DLGAP1: variants seen among roughly 807,000 people sequenced by gnomAD.
The protein encoded by DLGAP1 is DLG associated protein 1.
A neutral mutation model predicts 90.8 loss-of-function variants in DLGAP1; 11 were observed. The observed-to-expected ratio is 0.12, with a 90% CI of 0.08 to 0.20. The LOEUF (loss-of-function observed/expected upper bound fraction) is 0.20, where lower values mean the gene tolerates loss of function less well. DLGAP1 is among the 10% of genes least tolerant of loss of function. The pLI is 1.00. For synonymous variants in DLGAP1, 558 were observed against 540.7 expected (o/e 1.03, Z -0.44); for missense variants, 1,050 against 1,333.8 (o/e 0.79, Z 3.31).
chr18:3,858,541 C>CATATAT (rs1375198585), intron 4 of DLGAP1, among the ~76,000 whole-genome samples: 1 of 146,278 alleles, frequency 6.8e-6, no homozygotes, highest in East Asian at 2.0e-4. Flanking sequence ...CACACACACA[C>CATATAT]ACACATATAT....
intron 1 of DLGAP1, chr18:4,294,411 T>C (rs1040771682): frequency 2.0e-5 from 3 of 152,136 alleles, no homozygotes; most frequent in Admixed American, 6.6e-5. Flanking sequence ...CAGAGGTGGG[T>C]ATAAGTGAAA....
chr18:3,976,057 G>A (rs886720830), intron 3 of DLGAP1, among the ~76,000 whole-genome samples: 1 of 152,030 alleles, frequency 6.6e-6, no homozygotes, highest in Non-Finnish European at 1.5e-5. Flanking sequence ...CACTTAAAAA[G>A]TGGTTAAGGC....
In DLGAP1 at chr18:3,729,211, G is replaced by A. The variant is rs369261142; in HGVS notation, c.1515C>T (p.Asp505=). Residue 505 remains aspartate (D), a synonymous_variant, in exon 7 of 13, where the codon GAC becomes GAT. Coordinates refer to ENST00000315677, the MANE Select transcript of DLGAP1 (RefSeq NM_004746.4). The surrounding 1 kb of genome is among the most constrained non-coding windows in gnomAD (Gnocchi z 6.2). ...ACGACCTCAGGGACACGCACTCGTC[G>A]TCCTGGGAGCAGCCTTTCTCAATGG... ...VRAIEKGCSQ[D]DECVSLRSSS... 1.1e-5 allele frequency: 18 copies of A among 1,613,648 alleles called. No individual in the cohort carries two copies. The highest frequency in any genetic ancestry group is 2.7e-5 in the African/African-American group (2 of 74,936).
chr18:3,952,396 G>A lies in DLGAP1; in HGVS notation c.-73+52720C>T, dbSNP rs372827796. On this transcript the variant is annotated intron_variant, in intron 3 of 12. Transcript: ENST00000315677. ...GGGGAGGATTCCCACTGAGGACGAA[G>A]GCTGTTTTAACTTCACACTATTGAC... 7.4e-4 allele frequency among the ~76,000 whole-genome samples: 113 copies of A among 152,282 alleles called. 2 individuals are homozygous for A. The South Asian group carries it at 0.023, about 31-fold the overall frequency.
chr18:4,246,754 T>G (rs1163482737), intron 1 of DLGAP1, among the ~76,000 whole-genome samples: 1 of 152,188 alleles, frequency 6.6e-6, no homozygotes, highest in African/African-American at 2.4e-5. Context: ...GCAAAAAACG[T>G]TGAAGAAAAG....
intron 1 of DLGAP1, among the ~76,000 whole-genome samples, chr18:4,425,252 T>C (rs1035165058): frequency 2.0e-5 from 3 of 152,186 alleles, no homozygotes; most frequent in Non-Finnish European, 4.4e-5. Context: ...TTACATTATT[T>C]TGAAATCCAA....
At chr18:3,796,544 T>G (rs1396144369) in intron 5 of DLGAP1, among the ~76,000 whole-genome samples, 6 of 152,202 alleles carry the variant, frequency 3.9e-5, no homozygotes, top group Admixed American at 3.9e-4. Flanking sequence ...TAGTGTGTTC[T>G]CTTAAGAGGC....
At chr18:3,780,768 C>T (rs138021993) in intron 5 of DLGAP1, among the ~76,000 whole-genome samples, 157 of 152,264 alleles carry the variant, frequency 1.0e-3, no homozygotes, top group African/African-American at 3.0e-3. Context: ...ATTTCTCCTA[C>T]TTTATAATAT....
At chr18:4,367,646 G>C (rs1230580836) in intron 1 of DLGAP1, among the ~76,000 whole-genome samples, 1 of 152,030 alleles carries the variant, frequency 6.6e-6, no homozygotes, top group Admixed American at 6.6e-5. Context: ...TCAGGAGATC[G>C]AGACCATCTT....
At chr18:4,276,364 GT>G (rs2079414399) in intron 1 of DLGAP1, among the ~76,000 whole-genome samples, 1 of 151,930 alleles carries the variant, frequency 6.6e-6, no homozygotes, top group African/African-American at 2.4e-5. Flanking sequence ...GGCTGGGCAC[GT>G]TGGCTTATCC....
chr18:3,838,917 T>C (rs934533801), intron 4 of DLGAP1, among the ~76,000 whole-genome samples: 1 of 152,108 alleles, frequency 6.6e-6, no homozygotes, highest in Non-Finnish European at 1.5e-5. Context: ...CATAGCCTGC[T>C]TTGGTTAAAA....
chr18:3,602,452 G>A (rs1212222804), intron 7 of DLGAP1, among the ~76,000 whole-genome samples: 1 of 151,560 alleles, frequency 6.6e-6, no homozygotes, highest in Non-Finnish European at 1.5e-5. Flanking sequence ...AAAATTAGCC[G>A]GGCGTGGTGG....
In DLGAP1 at chr18:3,496,186, G is replaced by A. The variant is rs2049691825; in HGVS notation, c.*2999C>T. The A allele has an allele frequency of 1.3e-5, 2 of 151,980 alleles. No homozygotes were observed. The highest frequency in any genetic ancestry group is 4.1e-4 in the South Asian group (2 of 4,824). 9.4% of individuals were successfully genotyped at this position (151,980 alleles called of 1,614,324 possible). On this transcript the variant is annotated 3_prime_UTR_variant, in exon 13 of 13. Transcript: ENST00000315677. ...TAAAAATGTTCCCACCCCTCCATCT[G>A]AAGGCTTTCAAATGAATCTTTTTTT... is the stretch of plus-strand genomic sequence containing the variant.
intron 1 of DLGAP1, among the ~76,000 whole-genome samples, chr18:4,219,897 C>T (rs1396244902): frequency 6.6e-6 from 1 of 151,982 alleles, no homozygotes; most frequent in African/African-American, 2.4e-5. Context: ...GTAATAGATT[C>T]TGAAGTCAGG....
chr18:4,279,132 C>G (rs762544993), intron 1 of DLGAP1, among the ~76,000 whole-genome samples: 2 of 152,174 alleles, frequency 1.3e-5, no homozygotes, highest in African/African-American at 2.4e-5. Flanking sequence ...AAGTGGCAGA[C>G]CTGGGGTTCA....
intron 7 of DLGAP1, among the ~76,000 whole-genome samples, chr18:3,637,606 G>C (rs2058764562): frequency 6.7e-6 from 1 of 149,578 alleles, no homozygotes; most frequent in African/African-American, 2.5e-5. Flanking sequence ...AATTAGCCGG[G>C]CATGGTGGCA....
chr18:4,250,276 G>T (rs1197471044), intron 1 of DLGAP1, among the ~76,000 whole-genome samples: 2 of 152,188 alleles, frequency 1.3e-5, no homozygotes, highest in Non-Finnish European at 1.5e-5. Flanking sequence ...ATTTAGGTGA[G>T]AGAAGTTATC....
chr18:3,584,330 T>A (rs900784841), intron 7 of DLGAP1, among the ~76,000 whole-genome samples: 1 of 139,378 alleles, frequency 7.2e-6, no homozygotes, highest in Non-Finnish European at 1.6e-5. Context: ...GACCTGGCCA[T>A]GCAGTCCCAA....
intron 7 of DLGAP1, among the ~76,000 whole-genome samples, chr18:3,587,639 C>T (rs938383561): frequency 1.1e-4 from 17 of 152,146 alleles, no homozygotes; most frequent in South Asian, 2.1e-4. Flanking sequence ...TTTGTTCTTT[C>T]GCTCTTCACA....
Sources: allele counts gnomAD v4.1 joint callset (sites outside exome capture counted in the v4.1 genomes callset), GRCh38; gene constraint gnomAD v4.1.1; non-coding constraint Gnocchi (gnomAD v3.1); transcripts MANE v1.5; gene names NCBI Gene and HGNC (gene_info 2026-07-23, HGNC 2026-07-21).